DOCK8: variants seen among roughly 807,000 people sequenced by gnomAD.
The protein encoded by DOCK8 is dedicator of cytokinesis 8.
A neutral mutation model predicts 245.6 loss-of-function variants in DOCK8; 141 were observed. That is an observed-to-expected ratio of 0.57 (90% CI 0.50 to 0.66). The LOEUF is 0.66. Among genes scored for constraint, DOCK8 ranks in the 30% least tolerant of loss-of-function variants. DOCK8 has a pLI of 0.00. For synonymous variants in DOCK8, 1,168 were observed against 970.2 expected, an observed-to-expected ratio of 1.20 and a Z score of -3.79; for missense variants, 2,965 against 2,603.4, an observed-to-expected ratio of 1.14 and a Z score of -3.02.
At chr9:436,870 GA>G in intron 39 of DOCK8, among the ~76,000 whole-genome samples, 1 of 152,242 alleles carries the variant, frequency 6.6e-6, no homozygotes, top group South Asian at 2.1e-4. Context: ...TTATAATTAT[GA>G]GAAATACTGT....
intron 24 of DOCK8, among the ~76,000 whole-genome samples, chr9:392,439 T>C (rs1436213670): frequency 1.3e-5 from 2 of 152,146 alleles, no homozygotes; most frequent in Non-Finnish European, 2.9e-5. Context: ...TGGTCCCAAA[T>C]CCTTGCCACA....
chr9:352,609 G>A (rs1013850313), intron 14 of DOCK8, among the ~76,000 whole-genome samples: 25 of 152,080 alleles, frequency 1.6e-4, no homozygotes, highest in South Asian at 1.2e-3. Flanking sequence ...TGGGCGTGGT[G>A]GCGGGCACCT....
chr9:270,060 T>C (rs1037430351), intron 1 of DOCK8, among the ~76,000 whole-genome samples: 3 of 152,248 alleles, frequency 2.0e-5, no homozygotes, highest in Non-Finnish European at 2.9e-5. Flanking sequence ...TTTCTTGTTA[T>C]AGCCAGCCTA....
At chr9:401,076 C>CCAT (rs1586921240) in intron 26 of DOCK8, among the ~76,000 whole-genome samples, 2 of 16,892 alleles carry the variant, frequency 1.2e-4, no homozygotes, top group East Asian at 1.3e-3. Flanking sequence ...ACCATCATCA[C>CCAT]CACCACCACC....
rs974587566 is a variant in DOCK8, at chr9:304,845, T to A, written c.528+141T>A. ...AACTTTACCATCTGAGTCAGTGATT[T>A]TTTTTTTCAAACTTATTTGTAGCTG... On this transcript the variant is annotated intron_variant, in intron 5 of 47. Coordinates refer to ENST00000432829, the MANE Select transcript of DOCK8 (RefSeq NM_203447.4). 5.7e-6 allele frequency: 7 copies of A among 1,220,462 alleles called. No homozygotes were observed. In the African/African-American group the frequency reaches 1.1e-4, roughly 19 times the overall value. The allele number at this position is 1,220,462 out of a possible 1,614,324, so 75.6% of individuals were successfully genotyped here. A position where few individuals can be genotyped will look rare whatever the true frequency, so the allele number is the denominator to read the frequency against.
rs190812690 is a variant in DOCK8 at position 239,465 on chromosome 9, A to G, written c.53+24436A>G. ...AATGTATGCAATATGATCACCAGGT[A>G]TACTTGTATGAGAGATGGGAAAGAA... On this transcript the variant is annotated intron_variant, in intron 1 of 47. Transcript: ENST00000432829. Among the ~76,000 whole-genome samples the G allele has an allele frequency of 3.3e-5, 5 of 152,326 alleles. No individual in the cohort carries two copies. In the East Asian group the frequency reaches 5.8e-4, roughly 18 times the overall value.
intron 2 of DOCK8, among the ~76,000 whole-genome samples, chr9:283,547 C>A (rs1392899526): frequency 6.6e-6 from 1 of 152,180 alleles, no homozygotes; most frequent in Non-Finnish European, 1.5e-5. Context: ...CCCTCACCCC[C>A]TCCCATCTTC....
chr9:390,756 G>A (rs762678479), intron 24 of DOCK8, among the ~76,000 whole-genome samples, 190 bp downstream of exon 24: 1 of 151,796 alleles, frequency 6.6e-6, no homozygotes. Context: ...AAAATCTATC[G>A]CCGTCCTGTG....
At chr9:449,301 G>A (rs1161335016) in intron 44 of DOCK8, among the ~76,000 whole-genome samples, 2 of 152,180 alleles carry the variant, frequency 1.3e-5, no homozygotes, top group Non-Finnish European at 2.9e-5. Flanking sequence ...AGTGAGCCAA[G>A]ATCATGCCAT....
chr9:412,920 C>G (rs548897207), intron 28 of DOCK8, among the ~76,000 whole-genome samples: 1 of 143,238 alleles, frequency 7.0e-6, no homozygotes, highest in Admixed American at 7.0e-5. Context: ...TCCTAAAATT[C>G]GTGTGGAAAT....
chr9:370,355 G>A (rs2053230352), intron 16 of DOCK8, 55 bp downstream of exon 16: 1 of 1,528,834 alleles, frequency 6.5e-7, no homozygotes, highest in South Asian at 1.1e-5. Context: ...TCATCTCCTG[G>A]TTTTTCCAAG....
At chr9:391,039 C>G (rs1199548421) in intron 24 of DOCK8, among the ~76,000 whole-genome samples, 1 of 152,214 alleles carries the variant, frequency 6.6e-6, no homozygotes, top group Non-Finnish European at 1.5e-5. Context: ...CTAACCTCAT[C>G]TCACGCCACA....
chr9:330,906 A>G (rs775466503), intron 9 of DOCK8, among the ~76,000 whole-genome samples: 13 of 152,310 alleles, frequency 8.5e-5, no homozygotes, highest in Admixed American at 2.0e-4. Flanking sequence ...CACTGCAGCC[A>G]GGGCATAGTA....
chr9:293,625 C>A (rs2049136731), intron 4 of DOCK8, among the ~76,000 whole-genome samples: 1 of 152,346 alleles, frequency 6.6e-6, no homozygotes, highest in African/African-American at 2.4e-5. Context: ...TCAGTGAGTT[C>A]CCCTTTGGGG....
At chr9:436,233 T>G (rs2056898325) in intron 39 of DOCK8, among the ~76,000 whole-genome samples, 1 of 152,262 alleles carries the variant, frequency 6.6e-6, no homozygotes, top group African/African-American at 2.4e-5. Flanking sequence ...GATTTCATGC[T>G]TGGCAAATGA....
chr9:308,470 G>A (rs960532014), intron 5 of DOCK8, among the ~76,000 whole-genome samples: 1 of 152,148 alleles, frequency 6.6e-6, no homozygotes, highest in Non-Finnish European at 1.5e-5. Context: ...TCTCATTCTT[G>A]TGCACCTTCT....
At chr9:440,037 GAGAC>G (rs996723226) in intron 40 of DOCK8, among the ~76,000 whole-genome samples, 1 of 151,540 alleles carries the variant, frequency 6.6e-6, no homozygotes, top group Non-Finnish European at 1.5e-5. Flanking sequence ...TTCTTTTTTT[GAGAC>G]AGAGTCTAGC....
chr9:441,764 C>A, intron 41 of DOCK8, 111 bp from the exon 42 acceptor site: 1 of 1,365,684 alleles, frequency 7.3e-7, no homozygotes, highest in Non-Finnish European at 1.0e-6. Flanking sequence ...TTTACATCAG[C>A]CATAGGAGTA....
intron 1 of DOCK8, among the ~76,000 whole-genome samples, chr9:229,032 C>A (rs1257211884): frequency 6.6e-6 from 1 of 152,146 alleles, no homozygotes; most frequent in Non-Finnish European, 1.5e-5. Flanking sequence ...GTGGAAGCTG[C>A]AAGGCTTCTT....
Sources: allele counts gnomAD v4.1 joint callset (sites outside exome capture counted in the v4.1 genomes callset), GRCh38; gene constraint gnomAD v4.1.1; transcripts MANE v1.5; gene names NCBI Gene and HGNC (gene_info 2026-07-23, HGNC 2026-07-21).